The following ARL6IP5 variants were observed in gnomAD, a reference collection of about 807,000 sequenced individuals.
ARL6IP5 encodes the protein ARF like GTPase 6 interacting protein 5, also known as PRA1 family protein 3.
ARL6IP5 carries 6 observed loss-of-function variants against 13.0 expected under a neutral mutation model. The observed-to-expected ratio is 0.46, with a 90% CI of 0.25 to 0.91. The LOEUF (loss-of-function observed/expected upper bound fraction) is 0.91, where lower values mean the gene tolerates loss of function less well. ARL6IP5 is among the 40% of genes least tolerant of loss of function. The pLI, the probability that ARL6IP5 is intolerant of heterozygous loss-of-function variation, is 0.17. For synonymous variants in ARL6IP5, 91 were observed against 91.9 expected (o/e 0.99, Z 0.06); for missense variants, 208 against 248.8 (o/e 0.84, Z 1.10).
At position 69,085,233 on chromosome 3, in the gene ARL6IP5, G is replaced by C; in HGVS notation, c.176+10G>C. On this transcript the variant is annotated intron_variant, in intron 1 of 2. Coordinates refer to ENST00000273258, the MANE Select transcript of ARL6IP5 (RefSeq NM_006407.4). The stretch of plus-strand genomic sequence containing the variant: ...TGATTTCCATTGTGGGGTAAGTGGG[G>C]TCCCCCTACCCGGGACACCGATCCG... 1.2e-6 allele frequency: 2 copies of C among 1,609,206 alleles called. No individual in the cohort carries two copies. The highest frequency in any genetic ancestry group is 1.7e-6 in the Non-Finnish European group (2 of 1,176,474).
rs2092242997 is a variant in ARL6IP5, at chr3:69,085,031, A to C, written c.-17A>C. The C allele has an allele frequency of 3.1e-6, 5 of 1,609,012 alleles. No homozygotes were observed. The highest frequency in any genetic ancestry group is 4.2e-6 in the Non-Finnish European group (5 of 1,177,180). ...CCGCCGCCAGATTCTGGAGGCGAAGAACGCAAAGCTGAGAACATGGACGTT... is the reference window on the plus strand; with the variant it reads ...CCGCCGCCAGATTCTGGAGGCGAAGCACGCAAAGCTGAGAACATGGACGTT... On this transcript the variant is annotated 5_prime_UTR_variant, in exon 1 of 3. Transcript: ENST00000273258.
intron 1 of ARL6IP5, among the ~76,000 whole-genome samples, chr3:69,090,138 C>G (rs1021056993): frequency 6.6e-6 from 1 of 152,078 alleles, no homozygotes; most frequent in African/African-American, 2.4e-5. Context: ...GATGAAGAAC[C>G]AAGTTTCCAG....
At chr3:69,103,640 A>C (rs1169587243) in intron 2 of ARL6IP5, among the ~76,000 whole-genome samples, 1 of 152,164 alleles carries the variant, frequency 6.6e-6, no homozygotes, top group African/African-American at 2.4e-5. Flanking sequence ...CTACATCAGA[A>C]TCATCTGGAG....
intron 2 of ARL6IP5, among the ~76,000 whole-genome samples, chr3:69,103,123 T>C (rs187625184): frequency 6.6e-6 from 1 of 152,388 alleles, no homozygotes; most frequent in African/African-American, 2.4e-5. Context: ...CATACCCTAT[T>C]GGATAAAATA....
intron 2 of ARL6IP5, among the ~76,000 whole-genome samples, chr3:69,103,202 A>G (rs1445859534): frequency 6.6e-6 from 1 of 152,226 alleles, no homozygotes; most frequent in Non-Finnish European, 1.5e-5. Flanking sequence ...AACGCTTAGT[A>G]TTTCAATGAT....
At chr3:69,102,090 A>G (rs771712513) in intron 2 of ARL6IP5, 34 bp downstream of exon 2, 1 of 1,594,080 alleles carries the variant, frequency 6.3e-7, no homozygotes, top group Admixed American at 1.7e-5. Context: ...TCCATCATCA[A>G]AAAAATGTAG....
At chr3:69,089,636 CTAAAAAAAAAAA>C (rs2092258849) in intron 1 of ARL6IP5, among the ~76,000 whole-genome samples, 1 of 74,300 alleles carries the variant, frequency 1.3e-5, no homozygotes, top group African/African-American at 4.9e-5. Context: ...GAAACCCTGT[CTAAAAAAAAAAA>C]AAAAAAAAAT....
chr3:69,098,609 T>C (rs555035578), intron 1 of ARL6IP5, among the ~76,000 whole-genome samples: 1 of 152,196 alleles, frequency 6.6e-6, no homozygotes, highest in East Asian at 1.9e-4. Flanking sequence ...CAGGCTGGTC[T>C]CAAACTCCTG....
At chr3:69,093,867 T>A (rs1226782958) in intron 1 of ARL6IP5, among the ~76,000 whole-genome samples, 3 of 151,854 alleles carry the variant, frequency 2.0e-5, no homozygotes, top group Non-Finnish European at 2.9e-5. Context: ...CTGAGGAAGG[T>A]CACTTGAGTG....
chr3:69,099,802 C>T (rs891756628), intron 1 of ARL6IP5, among the ~76,000 whole-genome samples: 1 of 152,156 alleles, frequency 6.6e-6, no homozygotes, highest in Non-Finnish European at 1.5e-5. Flanking sequence ...CCTCATTAGC[C>T]TCTAGGGTAA....
intron 1 of ARL6IP5, among the ~76,000 whole-genome samples, chr3:69,090,421 G>A (rs180881589): frequency 5.3e-5 from 8 of 152,244 alleles, no homozygotes; most frequent in Admixed American, 1.3e-4. Flanking sequence ...CTGCCTTCAC[G>A]GAAAGGCAGC....
At position 69,100,503 on chromosome 3, in the gene ARL6IP5, C is replaced by T. The variant is rs147330331; in HGVS notation, c.177-1336C>T. On this transcript the variant is annotated intron_variant, in intron 1 of 2. Coordinates refer to ENST00000273258, the MANE Select transcript of ARL6IP5 (RefSeq NM_006407.4). Reference sequence around the variant, plus strand: ...TTAGAAAAACAATGATTAGACTGGGCATGGTGTGGCTCATGCCTGTAATCC... The same window carrying T: ...TTAGAAAAACAATGATTAGACTGGGTATGGTGTGGCTCATGCCTGTAATCC... 8.5e-3 allele frequency among the ~76,000 whole-genome samples: 1,288 copies of T among 152,110 alleles called. 8 individuals carry two copies. Among genetic ancestry groups the T allele is most frequent in the Non-Finnish European group, 0.014 (918 of 67,990 alleles).
chr3:69,102,440 G>A (rs1287895532), intron 2 of ARL6IP5, among the ~76,000 whole-genome samples: 1 of 152,132 alleles, frequency 6.6e-6, no homozygotes, highest in East Asian at 1.9e-4. Context: ...TGTGTTTTGG[G>A]TAGAGACCGG....
chr3:69,085,504 AC>A (rs1275330261), intron 1 of ARL6IP5, among the ~76,000 whole-genome samples: 3 of 151,594 alleles, frequency 2.0e-5, no homozygotes, highest in Non-Finnish European at 4.4e-5. Context: ...GAGTTCCCCC[AC>A]CCCCCTGCCC....
At position 69,104,813 on chromosome 3, in the gene ARL6IP5, T is replaced by C. The variant is rs1199450046; in HGVS notation, c.*177T>C. On this transcript the variant is annotated 3_prime_UTR_variant, in exon 3 of 3. Coordinates refer to ENST00000273258, the MANE Select transcript of ARL6IP5 (RefSeq NM_006407.4). Reference sequence around the variant, plus strand: ...GCTCTGATGTTTCAGAGAGAAGACCTCAGAAACCGAAAGAAAACCACCACC... The same window carrying C: ...GCTCTGATGTTTCAGAGAGAAGACCCCAGAAACCGAAAGAAAACCACCACC... The C allele has an allele frequency of 1.3e-6, 1 of 776,024 alleles. No homozygotes were observed. Among genetic ancestry groups the C allele is most frequent in the East Asian group, 2.7e-5 (1 of 37,618 alleles). The allele number at this position is 776,024 out of a possible 1,614,324, so 48.1% of individuals were successfully genotyped here.
At position 69,099,142 on chromosome 3, in the gene ARL6IP5, G is replaced by T. The variant is rs867697554; in HGVS notation, c.177-2697G>T. Among the ~76,000 whole-genome samples the T allele has an allele frequency of 9.0e-5, 12 of 133,936 alleles. 1 individual carries two copies. Among genetic ancestry groups the T allele is most frequent in the African/African-American group, 2.2e-4 (8 of 36,348 alleles). The allele number at this position is 133,936 out of a possible 152,430, so 87.9% of individuals were successfully genotyped here. ...GAGGCTGAGGGGCGGGGGGGGTGGG[G>T]GGTGGATCACATGAGGTCAGGAGTT... On this transcript the variant is annotated intron_variant, in intron 1 of 2. Transcript: ENST00000273258.
At chr3:69,087,427 A>G (rs2092251948) in intron 1 of ARL6IP5, among the ~76,000 whole-genome samples, 1 of 151,698 alleles carries the variant, frequency 6.6e-6, no homozygotes, top group South Asian at 2.1e-4. Context: ...TTATGGAGGT[A>G]TTTTCTTGAG....
At position 69,084,949 on chromosome 3, in the gene ARL6IP5, G is replaced by C; in HGVS notation, c.-99G>C. On this transcript the variant is annotated 5_prime_UTR_variant, in exon 1 of 3. Transcript: ENST00000273258. ...CTGTCTGCCAACCGCAAAGCCGACC[G>C]AGACGGAGCCGCTGTCAACTCTCCA... is the stretch of plus-strand genomic sequence containing the variant. 5 of 1,472,146 alleles carry C rather than the reference G, an allele frequency of 3.4e-6. No individual in the cohort carries two copies. In the South Asian group the frequency reaches 6.5e-5, roughly 19 times the overall value. 91.2% of individuals were successfully genotyped at this position (1,472,146 alleles called of 1,614,324 possible).
chr3:69,099,139 G>GA (rs1249940238), intron 1 of ARL6IP5, among the ~76,000 whole-genome samples: 2 of 40,624 alleles, frequency 4.9e-5, no homozygotes, highest in African/African-American at 4.1e-4. Context: ...CGGGGGGGGT[G>GA]GGGGGTGGAT....
Sources: gnomAD v4.1 joint callset for allele counts (sites outside exome capture counted in the v4.1 genomes callset) on GRCh38, gnomAD v4.1.1 for gene constraint, MANE v1.5 for transcripts, NCBI Gene and HGNC (gene_info 2026-07-23, HGNC 2026-07-21) for gene names.